LPAR1: variants seen among roughly 807,000 people sequenced by gnomAD.
LPAR1 encodes lysophosphatidic acid receptor 1, also known as LPA receptor 1.
Under a neutral mutation model 23.8 loss-of-function variants are expected in LPAR1, and 5 were observed. The observed-to-expected ratio is 0.21, with a 90% CI of 0.11 to 0.44. LPAR1 has a LOEUF of 0.44. LPAR1 is among the 20% of genes least tolerant of loss of function. The pLI is 0.99. For missense variants in LPAR1, 311 were observed against 482.8 expected (o/e 0.64, Z 3.33); for synonymous variants, 160 against 164.7 (o/e 0.97, Z 0.22).
chr9:110,958,654 T>C (rs941229425), intron 4 of LPAR1, among the ~76,000 whole-genome samples: 1 of 152,100 alleles, frequency 6.6e-6, no homozygotes, highest in Non-Finnish European at 1.5e-5. Context: ...GGCACTGATC[T>C]AGGCAAATAT....
chr9:110,896,977 T>TG (rs1366443593), intron 5 of LPAR1, among the ~76,000 whole-genome samples: 1 of 151,874 alleles, frequency 6.6e-6, no homozygotes, highest in Non-Finnish European at 1.5e-5. Context: ...TTAGTAGAGA[T>TG]GGGGTTTCAC....
chr9:110,998,004 G>C (rs1049330554), intron 2 of LPAR1, among the ~76,000 whole-genome samples: 1 of 152,182 alleles, frequency 6.6e-6, no homozygotes, highest in African/African-American at 2.4e-5. Flanking sequence ...TCACTGGAGG[G>C]CTTGTTCAAA....
rs547570276 is a variant in LPAR1, at chr9:111,020,415, C to T, written c.-182+15707G>A. On this transcript the variant is annotated intron_variant, in intron 2 of 5. Transcript: ENST00000683809. ...GGACTTTGTCCCAAGGTCATGGTGA[C>T]TAAACCCCTGCTTGAGTGTTGAGAT... Among the ~76,000 whole-genome samples, 5 of 152,322 alleles carry T rather than the reference C, an allele frequency of 3.3e-5. No individual in the cohort carries two copies. In the South Asian group the frequency reaches 1.0e-3, roughly 32 times the overall value.
intron 5 of LPAR1, among the ~76,000 whole-genome samples, chr9:110,883,646 G>T (rs2081482395): frequency 6.6e-6 from 1 of 152,078 alleles, no homozygotes. Flanking sequence ...CATGACTTTT[G>T]AACAGATTTT....
At chr9:110,975,182 T>TA (rs986265474) in intron 2 of LPAR1, among the ~76,000 whole-genome samples, 1 of 152,180 alleles carries the variant, frequency 6.6e-6, no homozygotes, top group African/African-American at 2.4e-5. Context: ...AATATAACCT[T>TA]AAAATATTTT....
At chr9:110,915,642 C>T (rs1458847451) in intron 5 of LPAR1, among the ~76,000 whole-genome samples, 44 of 152,146 alleles carry the variant, frequency 2.9e-4, no homozygotes, top group Non-Finnish European at 5.9e-5. Context: ...TGTATATATA[C>T]ACACATACAT....
rs558026314 is a variant in LPAR1, at chr9:110,896,190, C to T, written c.794-20468G>A. Among the ~76,000 whole-genome samples the T allele has an allele frequency of 2.8e-4, 42 of 152,266 alleles. No individual in the cohort carries two copies. In the South Asian group the frequency reaches 8.1e-3, roughly 29 times the overall value. On this transcript the variant is annotated intron_variant, in intron 5 of 5. Transcript: ENST00000683809. ...CTGCTCATAATTATTCTTGTTACCA[C>T]GACAGATTTTTGACTATGCTGCGTA... is the stretch of plus-strand genomic sequence containing the variant.
intron 5 of LPAR1, among the ~76,000 whole-genome samples, chr9:110,881,020 T>TG (rs2080613981): frequency 6.6e-6 from 1 of 152,222 alleles, no homozygotes; most frequent in Non-Finnish European, 1.5e-5. Flanking sequence ...TTCATTATAA[T>TG]GGGGGTGTAT....
At chr9:110,973,786 A>G (rs778838216) in intron 2 of LPAR1, among the ~76,000 whole-genome samples, 13 of 152,210 alleles carry the variant, frequency 8.5e-5, no homozygotes, top group Non-Finnish European at 1.5e-4. Context: ...CATTTTAAGA[A>G]AATAATTTTT....
intron 5 of LPAR1, among the ~76,000 whole-genome samples, chr9:110,897,332 C>T (rs551526510): frequency 6.6e-6 from 1 of 152,236 alleles, no homozygotes; most frequent in East Asian, 1.9e-4. Context: ...CTTTGCCTGC[C>T]GCCATCCATG....
chr9:110,910,913 C>G (rs2092345518), intron 5 of LPAR1, among the ~76,000 whole-genome samples: 1 of 152,018 alleles, frequency 6.6e-6, no homozygotes, highest in South Asian at 2.1e-4. Context: ...TATGGAGGAG[C>G]AAAGAAAGTG....
chr9:111,030,461 C>T (rs1464548039), intron 2 of LPAR1, among the ~76,000 whole-genome samples: 3 of 152,176 alleles, frequency 2.0e-5, no homozygotes, highest in Non-Finnish European at 1.5e-5. Flanking sequence ...GGGGTCCTCA[C>T]TGAATACTCC....
chr9:110,952,867 G>A (rs2095614092), intron 4 of LPAR1, among the ~76,000 whole-genome samples: 1 of 152,050 alleles, frequency 6.6e-6, no homozygotes, highest in Admixed American at 6.5e-5. Flanking sequence ...TCTACCTCCA[G>A]TGCTCAAGCA....
intron 2 of LPAR1, among the ~76,000 whole-genome samples, chr9:110,975,120 G>A (rs766217707): frequency 3.9e-5 from 6 of 151,934 alleles, no homozygotes; most frequent in Non-Finnish European, 8.8e-5. Context: ...TCTTAAGGAC[G>A]CATACTATAT....
intron 2 of LPAR1, among the ~76,000 whole-genome samples, chr9:111,001,026 T>C (rs1016875848): frequency 6.6e-6 from 1 of 152,158 alleles, no homozygotes; most frequent in Non-Finnish European, 1.5e-5. Flanking sequence ...ATCAAACACA[T>C]GGAAATGCTG....
chr9:110,897,078 A>T (rs1417211756), intron 5 of LPAR1, among the ~76,000 whole-genome samples: 1 of 152,062 alleles, frequency 6.6e-6, no homozygotes. Context: ...TGATTTAGTG[A>T]ACTCTTTAAT....
At chr9:110,964,235 AAG>A (rs1417958716) in intron 4 of LPAR1, among the ~76,000 whole-genome samples, 2 of 152,202 alleles carry the variant, frequency 1.3e-5, no homozygotes, top group African/African-American at 2.4e-5. Flanking sequence ...TTTAAACCTT[AAG>A]AGTCATTGAA....
chr9:110,891,004 A>G (rs1404225232), intron 5 of LPAR1, among the ~76,000 whole-genome samples: 10 of 152,260 alleles, frequency 6.6e-5, no homozygotes, highest in Admixed American at 6.5e-4. Flanking sequence ...ATATACTAGA[A>G]GTATTCCACT....
chr9:110,964,853 CTTTTTTTTTTTTTTTTT>C (rs35426082), intron 4 of LPAR1, among the ~76,000 whole-genome samples: 2 of 67,072 alleles, frequency 3.0e-5, no homozygotes, highest in Non-Finnish European at 5.4e-5. Context: ...ACACCAATCA[CTTTTTTTTTTTTTTTTT>C]TTTTTTTTTT....
Sources: gnomAD v4.1 joint callset for allele counts (sites outside exome capture counted in the v4.1 genomes callset) on GRCh38, gnomAD v4.1.1 for gene constraint, MANE v1.5 for transcripts, NCBI Gene and HGNC (gene_info 2026-07-23, HGNC 2026-07-21) for gene names.